HS2ST1: variants seen among roughly 807,000 people sequenced by gnomAD.
HS2ST1 encodes the protein 2-O-sulfotransferase.
HS2ST1 carries 18 observed loss-of-function variants against 42.9 expected under a neutral mutation model. The ratio of observed to expected loss-of-function variants is 0.42; its 90% CI spans 0.29 to 0.62. The LOEUF (loss-of-function observed/expected upper bound fraction) is 0.62. HS2ST1 is among the 20% of genes least tolerant of loss of function. The pLI is 0.21. For synonymous variants in HS2ST1, 146 were observed against 152.9 expected (o/e 0.95, Z 0.33); for missense variants, 334 against 433.8 (o/e 0.77, Z 2.04).
intron 1 of HS2ST1, among the ~76,000 whole-genome samples, chr1:87,066,924 T>C (rs560094716): frequency 6.6e-6 from 1 of 152,348 alleles, no homozygotes; most frequent in Admixed American, 6.5e-5. Context: ...GGCTGCATAG[T>C]ATTCCATGGT....
Position 87,047,285 on chromosome 1 carries a change from A to G in HS2ST1, c.125-25649A>G, listed in dbSNP as rs534337184. Among the ~76,000 whole-genome samples the G allele has an allele frequency of 3.3e-5, 5 of 152,186 alleles. No individual in the cohort carries two copies. In the South Asian group the frequency reaches 8.3e-4, roughly 25 times the overall value. ...ATCCTTAGTTCATTTAAAAAAATGG[A>G]CTGGCTATTTTCTCATTAGGTTGTA... On this transcript the variant is annotated intron_variant, in intron 1 of 6. Transcript: ENST00000370550.
chr1:87,005,800 T>A (rs1452705151), intron 1 of HS2ST1, among the ~76,000 whole-genome samples: 1 of 152,162 alleles, frequency 6.6e-6, no homozygotes. Flanking sequence ...CTTTGAAGGA[T>A]TCGCCTATGA....
intron 1 of HS2ST1, among the ~76,000 whole-genome samples, chr1:86,967,137 C>T (rs1451312379): frequency 2.6e-5 from 4 of 152,116 alleles, no homozygotes; most frequent in Admixed American, 1.3e-4. Context: ...GTGATCTGCC[C>T]ACCTTGGCCT....
At chr1:86,977,268 A>G (rs972285467) in intron 1 of HS2ST1, among the ~76,000 whole-genome samples, 2 of 152,210 alleles carry the variant, frequency 1.3e-5, no homozygotes, top group African/African-American at 4.8e-5. Context: ...CAATGTATAC[A>G]CTAGTAGTCA....
chr1:86,997,019 C>T (rs907344156), intron 1 of HS2ST1, among the ~76,000 whole-genome samples: 2 of 152,022 alleles, frequency 1.3e-5, no homozygotes, highest in African/African-American at 4.8e-5. Context: ...GGTGTAGGTT[C>T]GACTTGAGGG....
intron 1 of HS2ST1, among the ~76,000 whole-genome samples, chr1:87,027,581 A>G (rs1394380793): frequency 2.6e-5 from 4 of 152,250 alleles, no homozygotes; most frequent in Non-Finnish European, 5.9e-5. Context: ...GTTTTGTAAT[A>G]CAGTCCACAT....
At chr1:87,034,208 G>A (rs976537112) in intron 1 of HS2ST1, among the ~76,000 whole-genome samples, 1 of 152,204 alleles carries the variant, frequency 6.6e-6, no homozygotes, top group African/African-American at 2.4e-5. Flanking sequence ...GAAGGTCACA[G>A]TAAATTATTA....
chr1:86,945,291 G>C (rs946165948), intron 1 of HS2ST1, among the ~76,000 whole-genome samples: 2 of 152,124 alleles, frequency 1.3e-5, no homozygotes, highest in Admixed American at 1.3e-4. Flanking sequence ...ATATAGTAGG[G>C]GATATCATTG....
chr1:86,975,344 A>G (rs1195745526), intron 1 of HS2ST1, among the ~76,000 whole-genome samples: 2 of 151,178 alleles, frequency 1.3e-5, no homozygotes, highest in Non-Finnish European at 2.9e-5. Context: ...GTTGTAATTT[A>G]TAGTGCTCAA....
chr1:86,987,218 C>A (rs1055604356), intron 1 of HS2ST1, among the ~76,000 whole-genome samples: 1 of 151,768 alleles, frequency 6.6e-6, no homozygotes, highest in African/African-American at 2.4e-5. Context: ...TACAGGTGCC[C>A]ACTGCCTGCC....
chr1:86,987,452 A>G (rs9988565), intron 1 of HS2ST1, among the ~76,000 whole-genome samples: 3,593 of 152,192 alleles, frequency 0.024, 74 homozygotes, highest in African/African-American at 0.049. Context: ...GAGAATTGTT[A>G]GGAGGGCTAA....
intron 1 of HS2ST1, among the ~76,000 whole-genome samples, chr1:86,998,920 C>T (rs1293017298): frequency 6.6e-6 from 1 of 152,178 alleles, no homozygotes; most frequent in East Asian, 1.9e-4. Context: ...CATGCTGTCA[C>T]TTACTGACTC....
At chr1:86,956,360 A>G (rs1359962264) in intron 1 of HS2ST1, 1 of 152,246 alleles carries the variant, frequency 6.6e-6, no homozygotes, top group Non-Finnish European at 1.5e-5. Flanking sequence ...TGAAGGAACA[A>G]TTCTGTGTTT....
intron 4 of HS2ST1, among the ~76,000 whole-genome samples, chr1:87,094,140 A>C (rs145368070): frequency 1.3e-5 from 2 of 151,972 alleles, no homozygotes; most frequent in Non-Finnish European, 2.9e-5. Context: ...TTTTAGCCCT[A>C]CTTACACTAA....
chr1:87,097,445 G>A (rs1386618833), intron 4 of HS2ST1, among the ~76,000 whole-genome samples: 1 of 152,134 alleles, frequency 6.6e-6, no homozygotes, highest in Non-Finnish European at 1.5e-5. Context: ...CCAGGCTGGA[G>A]TGCAGTGTCT....
At chr1:86,924,451 C>T (rs930979486) in intron 1 of HS2ST1, among the ~76,000 whole-genome samples, 1 of 151,740 alleles carries the variant, frequency 6.6e-6, no homozygotes, top group Non-Finnish European at 1.5e-5. Context: ...TGCAACCCCA[C>T]ATTTCCCTTC....
Position 87,101,150 on chromosome 1 carries a change from T to TGTG in HS2ST1, c.687-2282_687-2281insGTG, listed in dbSNP as rs1409672016. Reference sequence around the variant, plus strand: ...CATCACTTTTGTGTGTGTGTGTGTGTTTTTTGTTTTTTTTTTTTTTTTTTT... The same window carrying TGTG: ...CATCACTTTTGTGTGTGTGTGTGTGTGTGTTTTTGTTTTTTTTTTTTTTTTTTT... On this transcript the variant is annotated intron_variant, in intron 5 of 6. Transcript: ENST00000370550. Among the ~76,000 whole-genome samples the TGTG allele has an allele frequency of 7.0e-3, 454 of 65,262 alleles. 14 individuals carry two copies. Among genetic ancestry groups the TGTG allele is most frequent in the African/African-American group, 0.027 (435 of 16,088 alleles). 42.8% of individuals were successfully genotyped at this position (65,262 alleles called of 152,430 possible).
intron 1 of HS2ST1, among the ~76,000 whole-genome samples, chr1:87,043,782 A>G (rs551198933): frequency 6.6e-6 from 1 of 152,234 alleles, no homozygotes; most frequent in East Asian, 1.9e-4. Context: ...AGTATTTATC[A>G]ATAAATATAT....
chr1:87,104,730 A>T lies in HS2ST1; in HGVS notation c.*34A>T, dbSNP rs3766018. The T allele has an allele frequency of 7.6e-3, 10,094 of 1,322,694 alleles. 852 individuals carry two copies. The East Asian group carries it at 0.19, about 25-fold the overall frequency. 81.9% of individuals were successfully genotyped at this position (1,322,694 alleles called of 1,614,324 possible). On this transcript the variant is annotated 3_prime_UTR_variant, in exon 7 of 7. Transcript: ENST00000370550. ...TGTGACTATTGGATTCTTGAACTAA[A>T]ATTTGACCCTGTCTTCACCTTTGTT... is the stretch of plus-strand genomic sequence containing the variant.
Sources: gnomAD v4.1 joint callset for allele counts (sites outside exome capture counted in the v4.1 genomes callset) on GRCh38, gnomAD v4.1.1 for gene constraint, MANE v1.5 for transcripts, NCBI Gene and HGNC (gene_info 2026-07-23, HGNC 2026-07-21) for gene names.